The following BAIAP3 variants were observed in gnomAD, a reference collection of about 807,000 sequenced individuals.
BAIAP3 encodes BAI1-associated protein 3.
Under a neutral mutation model 149.7 loss-of-function variants are expected in BAIAP3, and 180 were observed. The ratio of observed to expected loss-of-function variants is 1.20; its 90% CI spans 1.07 to 1.36. The LOEUF (loss-of-function observed/expected upper bound fraction) is 1.36, where lower values mean the gene tolerates loss of function less well. Among genes scored for constraint, BAIAP3 ranks in the 40% most tolerant of loss-of-function variants. BAIAP3 has a pLI of 0.00. For synonymous variants in BAIAP3, 845 were observed against 670.7 expected (o/e 1.26, Z -4.02); for missense variants, 1,767 against 1,563.4 (o/e 1.13, Z -2.20).
chr16:1,334,135 C>T (rs1169484971), intron 1 of BAIAP3, among the ~76,000 whole-genome samples: 1 of 151,968 alleles, frequency 6.6e-6, no homozygotes. Context: ...GGGCCCGGGG[C>T]CTCCCAGCAC....
intron 1 of BAIAP3, among the ~76,000 whole-genome samples, chr16:1,334,100 C>A (rs1047208626): frequency 6.6e-6 from 1 of 152,018 alleles, no homozygotes; most frequent in Admixed American, 6.5e-5. Context: ...TCGACCCCCG[C>A]GCCTCCCTCC....
intron 5 of BAIAP3, among the ~76,000 whole-genome samples, chr16:1,340,394 G>T (rs2033835593): frequency 8.3e-6 from 1 of 120,520 alleles, no homozygotes; most frequent in Admixed American, 9.7e-5. Context: ...CAGGTTGCAG[G>T]TGCACACAGA....
At position 1,346,058 on chromosome 16, in the gene BAIAP3, G is replaced by C; in HGVS notation, c.2281G>C (p.Gly761Arg). ...GGTGGACACTCAGCCAGGGGCGGCC[G>C]GTGAAGCAGTGAGCGAGGCGGTGAG... ...KKVDTQPGAAGEAVSEALCVV... is the reference protein window; with the variant it reads ...KKVDTQPGAAREAVSEALCVV... Residue 761 changes from glycine (G) to arginine (R), a missense_variant, in exon 24 of 34, where the codon GGT becomes CGT. Gly to Arg is a moderately radical substitution (Grantham distance 125). Transcript: ENST00000426824. 1 of 1,611,284 alleles carries C rather than the reference G, an allele frequency of 6.2e-7. No individual in the cohort carries two copies. Among genetic ancestry groups the C allele is most frequent in the Non-Finnish European group, 8.5e-7 (1 of 1,179,440 alleles).
chr16:1,336,682 C>T (rs2033476646), intron 1 of BAIAP3, among the ~76,000 whole-genome samples: 1 of 152,214 alleles, frequency 6.6e-6, no homozygotes, highest in African/African-American at 2.4e-5. Context: ...CTCAGGCCCC[C>T]ACGCTGCCCA....
At chr16:1,346,566 G>A (rs747182987) in intron 26 of BAIAP3, 39 bp from the exon 27 acceptor site, 1 of 1,574,598 alleles carries the variant, frequency 6.4e-7, no homozygotes, top group South Asian at 1.2e-5. Context: ...GTAGGGCAGA[G>A]GTGCGGGGTA....
At position 1,341,457 on chromosome 16, in the gene BAIAP3, C is replaced by T. The variant is rs1281064020; in HGVS notation, c.699C>T (p.Thr233=). Residue 233 remains threonine (T), a synonymous_variant, in exon 8 of 34, where the codon ACC becomes ACT. Coordinates refer to ENST00000426824, the MANE Select transcript of BAIAP3 (RefSeq NM_001199097.2). ...CIQVTEVKSS[T]LNPVWKEHFL... ...AGGTCACCGAGGTGAAGAGCAGCACCCTGAACCCCGTCTGGAAGGAGCACT... is the reference window on the plus strand; with the variant it reads ...AGGTCACCGAGGTGAAGAGCAGCACTCTGAACCCCGTCTGGAAGGAGCACT... 1.2e-6 allele frequency: 2 copies of T among 1,611,954 alleles called. No homozygotes were observed. The highest frequency in any genetic ancestry group is 1.3e-5 in the African/African-American group (1 of 74,942).
intron 15 of BAIAP3, 137 bp from the exon 16 acceptor site, chr16:1,343,885 C>T: frequency 2.2e-6 from 3 of 1,373,466 alleles, no homozygotes; most frequent in African/African-American, 2.9e-5. Flanking sequence ...CCGACTGGGC[C>T]TGTGGAGGGT....
chr16:1,335,691 C>G (rs1396200793), intron 1 of BAIAP3, among the ~76,000 whole-genome samples: 1 of 151,812 alleles, frequency 6.6e-6, no homozygotes, highest in African/African-American at 2.4e-5. Flanking sequence ...TTCTGCGCAC[C>G]CAGGATGAGC....
Position 1,341,401 on chromosome 16 carries a change from C to G in BAIAP3, c.643C>G (p.Arg215Gly), listed in dbSNP as rs559477186. The change falls in exon 8 of 34, where the codon CGC becomes GGC. Residue 215 changes from arginine (R) to glycine (G), a missense_variant. By Grantham distance (125) the Arg-to-Gly change is moderately radical. Coordinates refer to ENST00000426824, the MANE Select transcript of BAIAP3 (RefSeq NM_001199097.2). The part of the protein sequence containing the change: ...QRFGFRKGSK[R>G]GGPLPAKCIQ... ...CTTCGGCTTCCGCAAGGGCAGCAAG[C>G]GCGGTGGACCCCTGCCTGCCAAGTG... The G allele has an allele frequency of 1.2e-6, 2 of 1,612,650 alleles. No homozygotes were observed. The highest frequency in any genetic ancestry group is 1.7e-6 in the Non-Finnish European group (2 of 1,179,930).
rs151334572 is a variant in BAIAP3, at chr16:1,339,571, G to C, written c.376G>C (p.Asp126His). The change falls in exon 5 of 34, where the codon GAC becomes CAC. Residue 126 changes from aspartate to histidine, a missense_variant. Transcript: ENST00000426824. ...AGTMGPDQVD[D>H]EEALLSYLQQ... is the part of the protein sequence containing the mutation. The stretch of plus-strand genomic sequence containing the variant: ...TACCATGGGCCCTGACCAGGTGGAC[G>C]ACGAGGAGGCCCTGCTCAGCTATCT... 7.4e-6 allele frequency: 12 copies of C among 1,612,392 alleles called. No individual in the cohort carries two copies. The highest frequency in any genetic ancestry group is 1.3e-5 in the African/African-American group (1 of 74,890).
chr16:1,344,566 G>C (rs752063842), intron 18 of BAIAP3, 35 bp from the exon 19 acceptor site: 1 of 1,612,572 alleles, frequency 6.2e-7, no homozygotes, highest in Admixed American at 1.7e-5. Context: ...GGTACGGGCA[G>C]CCGAGAGGTG....
At chr16:1,344,191 G>A in intron 16 of BAIAP3, 36 bp from the exon 17 acceptor site, 1 of 1,612,556 alleles carries the variant, frequency 6.2e-7, no homozygotes, top group Non-Finnish European at 8.5e-7. Flanking sequence ...GCGGCTGGCA[G>A]GGCAGGCCCC....
chr16:1,345,210 C>T, intron 21 of BAIAP3, 39 bp from the exon 22 acceptor site: 1 of 1,610,478 alleles, frequency 6.2e-7, no homozygotes, highest in Non-Finnish European at 8.5e-7. Context: ...GTTAAGGTGT[C>T]TGAGTCAGGG....
chr16:1,343,703 C>T (rs937309982), intron 15 of BAIAP3, among the ~76,000 whole-genome samples, 190 bp downstream of exon 15: 13 of 152,206 alleles, frequency 8.5e-5, no homozygotes, highest in Admixed American at 2.6e-4. Flanking sequence ...GGAGTCACCT[C>T]GGGGGGCGGC....
rs1567173220 is a variant in BAIAP3, at chr16:1,347,298, G to A, written c.2752G>A (p.Ala918Thr). 5 of 1,613,152 alleles carry A rather than the reference G, an allele frequency of 3.1e-6. No individual in the cohort carries two copies. The highest frequency in any genetic ancestry group is 4.2e-6 in the Non-Finnish European group (5 of 1,179,876). ...FYSRFHFTLEALVSFFHAEGQ... is the reference protein window; with the variant it reads ...FYSRFHFTLETLVSFFHAEGQ... The stretch of plus-strand genomic sequence containing the variant: ...CCTCTGCCTTCTTTCCCTGCCCCAG[G>A]CCCTGGTCAGTTTTTTCCACGCAGA... The change falls in exon 29 of 34, where the codon GCC becomes ACC. Residue 918 changes from alanine to threonine, a missense_variant and splice_region_variant. Transcript: ENST00000426824.
chr16:1,349,262 G>T lies in BAIAP3; in HGVS notation c.*780G>T. ...GGCTTCTTGGCCTGCAGCTTCATTT[G>T]CGAGAGCGCCGAGGCAGGACACAGA... On this transcript the variant is annotated 3_prime_UTR_variant, in exon 34 of 34. Coordinates refer to ENST00000426824, the MANE Select transcript of BAIAP3 (RefSeq NM_001199097.2). The T allele has an allele frequency of 1.4e-6, 1 of 729,046 alleles. No individual in the cohort carries two copies. The highest frequency in any genetic ancestry group is 2.4e-6 in the Non-Finnish European group (1 of 421,086). 45.2% of individuals were successfully genotyped at this position (729,046 alleles called of 1,614,324 possible). A position where few individuals can be genotyped will look rare whatever the true frequency, so the allele number is the denominator to read the frequency against.
In BAIAP3 at chr16:1,343,381, CG is replaced by C; in HGVS notation, c.1266-9del. 6.3e-7 allele frequency: 1 copy of C among 1,578,310 alleles called. No individual in the cohort carries two copies. Among genetic ancestry groups the C allele is most frequent in the Non-Finnish European group, 8.6e-7 (1 of 1,162,954 alleles). ...GGGTTCATACCCTTTGACCATGGGC[CG>C]GGCCCCACAGGCACTGGCAGGTCAG... On this transcript the variant is annotated splice_polypyrimidine_tract_variant and intron_variant, in intron 14 of 33. Transcript: ENST00000426824.
intron 8 of BAIAP3, 61 bp downstream of exon 8, chr16:1,341,550 TGTGC>T: frequency 6.4e-7 from 1 of 1,552,124 alleles, no homozygotes. Context: ...AGAGCTGGGC[TGTGC>T]CTGGAGGGTG....
chr16:1,334,825 G>A (rs1195373829), intron 1 of BAIAP3: 2 of 1,423,228 alleles, frequency 1.4e-6, no homozygotes, highest in Admixed American at 2.0e-5. Context: ...GGGGCTGAGG[G>A]AGGAAGAGCA....
Sources: gnomAD v4.1 joint callset for allele counts (sites outside exome capture counted in the v4.1 genomes callset) on GRCh38, gnomAD v4.1.1 for gene constraint, MANE v1.5 for transcripts, NCBI Gene and HGNC (gene_info 2026-07-23, HGNC 2026-07-21) for gene names.